The following LRTM3 variants were observed in gnomAD, a reference collection of about 807,000 sequenced individuals.
LRTM3 encodes the protein leucine-rich repeat transmembrane protein 3.
the LRTM3 span, chr13:102,732,676 G>A: frequency 1.3e-6 from 2 of 1,551,148 alleles, no homozygotes; most frequent in South Asian, 2.4e-5. Context: ...GAAGATGCGG[G>A]TGTGCACTAC....
At chr13:102,745,755 A>G in the LRTM3 span, 1 of 1,551,098 alleles carries the variant, frequency 6.4e-7, no homozygotes, top group South Asian at 1.2e-5. Context: ...CTTGCATAAA[A>G]TATGATTTCA....
At chr13:102,744,581 T>G in the LRTM3 span, 1 of 1,550,472 alleles carries the variant, frequency 6.4e-7, no homozygotes, top group African/African-American at 1.4e-5. Flanking sequence ...CTTTGTTTTT[T>G]GCACTATGTG....
the LRTM3 span, chr13:102,749,403 A>C: frequency 3.9e-6 from 6 of 1,551,254 alleles, no homozygotes; most frequent in African/African-American, 6.8e-5. Flanking sequence ...TCAGTGACTA[A>C]ATTTGGATTC....
chr13:102,744,526 T>C, the LRTM3 span: 1 of 1,550,620 alleles, frequency 6.4e-7, no homozygotes, highest in South Asian at 1.2e-5. Flanking sequence ...TCATCATGTA[T>C]CCAGAAATAG....
chr13:102,751,976 G>C, the LRTM3 span, among the ~76,000 whole-genome samples: 1 of 152,090 alleles, frequency 6.6e-6, no homozygotes. Context: ...TCTTTCCTAA[G>C]GGTAAACAGA....
chr13:102,745,147 T>C, the LRTM3 span: 1 of 1,550,774 alleles, frequency 6.4e-7, no homozygotes, highest in Admixed American at 2.0e-5. Context: ...TTCCTTGGTT[T>C]TCTAATTTGT....
the LRTM3 span, chr13:102,748,513 T>G: frequency 6.4e-7 from 1 of 1,550,920 alleles, no homozygotes; most frequent in East Asian, 2.4e-5. Flanking sequence ...CATTTGAAAG[T>G]TGAAGATGGG....
chr13:102,751,404 C>T, the LRTM3 span, among the ~76,000 whole-genome samples: 10 of 147,492 alleles, frequency 6.8e-5, no homozygotes, highest in Admixed American at 2.0e-4. Context: ...CTACTGGTTC[C>T]GTTTCTCTGG....
chr13:102,732,610 C>T, the LRTM3 span: 1 of 1,550,998 alleles, frequency 6.4e-7, no homozygotes, highest in Admixed American at 2.0e-5. Flanking sequence ...GGCGGCTGTT[C>T]TCCCTATGAG....
the LRTM3 span, chr13:102,729,491 C>G: frequency 4.8e-5 from 70 of 1,460,744 alleles, no homozygotes; most frequent in Non-Finnish European, 6.0e-5. Flanking sequence ...CGAGAGCGAC[C>G]CCAACAACTT....
chr13:102,744,837 T>C, the LRTM3 span: 25 of 1,550,934 alleles, frequency 1.6e-5, 1 homozygote, highest in Non-Finnish European at 2.1e-5. Context: ...TGTGGTGATT[T>C]CTGTAACTCC....
the LRTM3 span, chr13:102,732,375 T>G: frequency 1.3e-6 from 2 of 1,551,452 alleles, no homozygotes; most frequent in Admixed American, 3.9e-5. Flanking sequence ...ATATTAAGCA[T>G]CTGTGGAATT....
chr13:102,749,940 C>G, the LRTM3 span: 1 of 1,551,126 alleles, frequency 6.4e-7, no homozygotes. Flanking sequence ...TGATTCCTCA[C>G]ATTTTCTTCC....
the LRTM3 span, chr13:102,735,121 T>A: frequency 3.2e-6 from 5 of 1,551,300 alleles, no homozygotes; most frequent in Non-Finnish European, 3.5e-6. Context: ...CACTTTTAAC[T>A]TTCTGGACCT....
At chr13:102,733,184 C>T in the LRTM3 span, 226,319 of 1,551,324 alleles carry the variant, frequency 0.15, 17,994 homozygotes, top group South Asian at 0.23. Context: ...TTCACACCGT[C>T]GGATCACTTG....
chr13:102,733,013 G>C, the LRTM3 span: 1 of 1,551,426 alleles, frequency 6.4e-7, no homozygotes, highest in Non-Finnish European at 8.7e-7. Flanking sequence ...CCCTTTTGCA[G>C]GGTCAATCTC....
the LRTM3 span, chr13:102,747,785 T>G: frequency 6.4e-7 from 1 of 1,551,144 alleles, no homozygotes; most frequent in African/African-American, 1.4e-5. Context: ...GCATGGACTA[T>G]TCTCCAAAAT....
chr13:102,756,672 CTAAA>C, the LRTM3 span, among the ~76,000 whole-genome samples: 1 of 17,932 alleles, frequency 5.6e-5, no homozygotes, highest in African/African-American at 2.6e-4. Flanking sequence ...AAAACTCTGT[CTAAA>C]AAAAAAAAAA....
At chr13:102,739,743 T>C in the LRTM3 span, 3 of 1,549,368 alleles carry the variant, frequency 1.9e-6, no homozygotes, top group Non-Finnish European at 2.6e-6. Context: ...TTTGTACTTT[T>C]AACATTACTT....
Sources: allele counts gnomAD v4.1 joint callset (sites outside exome capture counted in the v4.1 genomes callset), GRCh38; gene constraint gnomAD v4.1.1; transcripts MANE v1.5; gene names NCBI Gene and HGNC (gene_info 2026-07-23, HGNC 2026-07-21).